Variants in RGS6 observed in about 807,000 individuals in gnomAD.
The protein encoded by RGS6 is regulator of G protein signaling 6.
RGS6 carries 30 observed loss-of-function variants against 78.5 expected under a neutral mutation model. The ratio of observed to expected loss-of-function variants is 0.38; its 90% CI spans 0.29 to 0.52. The LOEUF is 0.52. RGS6 is among the 20% of genes least tolerant of loss of function. RGS6 has a pLI of 0.85. For missense variants in RGS6, 495 were observed against 609.7 expected (o/e 0.81, Z 1.98); for synonymous variants, 206 against 206.0 (o/e 1.00, Z 0.00).
intron 15 of RGS6, among the ~76,000 whole-genome samples, chr14:72,533,212 G>T (rs538551741): frequency 6.6e-6 from 1 of 152,352 alleles, no homozygotes; most frequent in African/African-American, 2.4e-5. Flanking sequence ...AATATATTCT[G>T]CCTGTGTTCT....
At chr14:72,277,079 T>A (rs2060796875) in intron 2 of RGS6, among the ~76,000 whole-genome samples, 1 of 152,228 alleles carries the variant, frequency 6.6e-6, no homozygotes, top group Non-Finnish European at 1.5e-5. Context: ...AATGCATGAA[T>A]GAACAACTTC....
chr14:72,528,003 T>G (rs756263082), intron 15 of RGS6, among the ~76,000 whole-genome samples: 18 of 152,308 alleles, frequency 1.2e-4, no homozygotes, highest in Non-Finnish European at 2.4e-4. Context: ...AGGAGGACGT[T>G]CTGAAGCTGG....
intron 1 of RGS6, among the ~76,000 whole-genome samples, chr14:71,950,164 C>T (rs112350152): frequency 1.5e-3 from 233 of 152,300 alleles, no homozygotes; most frequent in Middle Eastern, 0.01. Flanking sequence ...CATCACTCTA[C>T]CTGACTTCAA....
At chr14:72,613,024 GTGTGTGTA>G in the RGS6 span, among the ~76,000 whole-genome samples, 135 of 151,720 alleles carry the variant, frequency 8.9e-4, no homozygotes, top group African/African-American at 3.0e-3. Context: ...GTGTGTGTGT[GTGTGTGTA>G]TGTGCGTGCG....
chr14:72,520,012 C>T (rs973624018), intron 15 of RGS6, among the ~76,000 whole-genome samples: 27 of 152,154 alleles, frequency 1.8e-4, no homozygotes, highest in Non-Finnish European at 3.1e-4. Context: ...CATTTATAGA[C>T]CCTCATCCAG....
At chr14:72,602,897 T>TA in the RGS6 span, among the ~76,000 whole-genome samples, 1 of 151,798 alleles carries the variant, frequency 6.6e-6, no homozygotes, top group Non-Finnish European at 1.5e-5. Context: ...TCTAGTCCCT[T>TA]AAAATCAAAG....
intron 2 of RGS6, among the ~76,000 whole-genome samples, chr14:72,213,599 C>G (rs1441540777): frequency 6.6e-6 from 1 of 152,162 alleles, no homozygotes; most frequent in African/African-American, 2.4e-5. Flanking sequence ...GGGAACAACC[C>G]CTCCTTAATG....
intron 2 of RGS6, among the ~76,000 whole-genome samples, chr14:72,126,619 T>C (rs1026581834): frequency 1.3e-5 from 2 of 152,196 alleles, no homozygotes; most frequent in African/African-American, 4.8e-5. Context: ...GGGTGGGTGC[T>C]AAATATTTAG....
At chr14:72,540,446 C>G in intron 17 of RGS6, 1 of 1,485,838 alleles carries the variant, frequency 6.7e-7, no homozygotes, top group Non-Finnish European at 8.9e-7. Context: ...GAGAAGCCAT[C>G]GAACTATACC....
chr14:72,182,928 T>A (rs1048090365), intron 2 of RGS6, among the ~76,000 whole-genome samples: 1 of 152,212 alleles, frequency 6.6e-6, no homozygotes, highest in Non-Finnish European at 1.5e-5. Flanking sequence ...TCAGGTTATA[T>A]GTGACTGAAA....
chr14:72,451,063 CT>C (rs1264572832), intron 3 of RGS6, among the ~76,000 whole-genome samples: 4 of 151,188 alleles, frequency 2.6e-5, no homozygotes, highest in African/African-American at 9.6e-5. Flanking sequence ...GCACGTCCCC[CT>C]GTCTCTAGGT....
rs951820259 is a variant in RGS6 at position 72,329,708 on chromosome 14, T to A, written c.85-22387T>A. ...AAACCCATAGTGTGGAAGCACTCTT[T>A]GCGTAGGGTGAGCCAGGTGGAGCAG... On this transcript the variant is annotated intron_variant, in intron 2 of 17. Transcript: ENST00000553525. 2.0e-5 allele frequency among the ~76,000 whole-genome samples: 3 copies of A among 152,202 alleles called. No individual in the cohort carries two copies. In the South Asian group the frequency reaches 6.2e-4, roughly 32 times the overall value.
intron 3 of RGS6, among the ~76,000 whole-genome samples, chr14:72,419,730 A>C (rs1374353322): frequency 6.6e-6 from 1 of 152,226 alleles, no homozygotes; most frequent in Admixed American, 6.5e-5. Context: ...AGAAAAGGGC[A>C]GGTGCTGAAG....
chr14:72,367,282 G>A (rs1334234670), intron 3 of RGS6, among the ~76,000 whole-genome samples: 2 of 152,264 alleles, frequency 1.3e-5, no homozygotes, highest in South Asian at 2.1e-4. Context: ...GTCTGGACTC[G>A]GGATCCTCTA....
chr14:72,204,000 A>G (rs550943729), intron 2 of RGS6, among the ~76,000 whole-genome samples: 3 of 151,630 alleles, frequency 2.0e-5, no homozygotes, highest in Admixed American at 1.3e-4. Flanking sequence ...AATTTTTTGT[A>G]TTTTTAGTAG....
At chr14:72,206,875 T>C (rs1276285070) in intron 2 of RGS6, among the ~76,000 whole-genome samples, 1 of 152,000 alleles carries the variant, frequency 6.6e-6, no homozygotes, top group East Asian at 1.9e-4. Flanking sequence ...AAAATACATG[T>C]ACAACCACAT....
chr14:72,502,391 C>G (rs1438790752), intron 13 of RGS6, among the ~76,000 whole-genome samples: 2 of 152,228 alleles, frequency 1.3e-5, no homozygotes, highest in African/African-American at 4.8e-5. Context: ...CCAGTGGAGC[C>G]TAGTCAACCC....
intron 2 of RGS6, among the ~76,000 whole-genome samples, chr14:72,121,715 G>T (rs779038283): frequency 1.3e-4 from 20 of 152,162 alleles, no homozygotes; most frequent in Non-Finnish European, 2.5e-4. Context: ...TAGGTCTTCT[G>T]CCTGGAGAGT....
intron 2 of RGS6, among the ~76,000 whole-genome samples, chr14:71,981,266 A>G (rs1432819912): frequency 6.6e-6 from 1 of 152,080 alleles, no homozygotes; most frequent in Non-Finnish European, 1.5e-5. Context: ...TCAGCTCATC[A>G]AAGTCATTCT....
Sources: allele counts gnomAD v4.1 joint callset (sites outside exome capture counted in the v4.1 genomes callset), GRCh38; gene constraint gnomAD v4.1.1; transcripts MANE v1.5; gene names NCBI Gene and HGNC (gene_info 2026-07-23, HGNC 2026-07-21).